PDE7B: variants seen among roughly 807,000 people sequenced by gnomAD.
PDE7B encodes the protein 3',5'-cyclic-AMP phosphodiesterase 7B.
PDE7B carries 29 observed loss-of-function variants against 56.2 expected under a neutral mutation model. The observed-to-expected ratio is 0.52, with a 90% CI of 0.38 to 0.70. The LOEUF (loss-of-function observed/expected upper bound fraction) is 0.70, where lower values mean the gene tolerates loss of function less well. PDE7B is among the 30% of genes least tolerant of loss of function. PDE7B has a pLI of 0.00. For missense variants in PDE7B, 490 were observed against 565.0 expected (o/e 0.87, Z 1.35); for synonymous variants, 197 against 196.9 (o/e 1.00, Z 0.00).
chr6:136,110,652 GT>G (rs1197864144), intron 3 of PDE7B, among the ~76,000 whole-genome samples: 2 of 150,688 alleles, frequency 1.3e-5, no homozygotes, highest in Admixed American at 6.6e-5. Context: ...GCTAATGGTG[GT>G]TATGTTTGCA....
chr6:136,148,052 A>T (rs900977857), intron 4 of PDE7B, among the ~76,000 whole-genome samples: 1 of 152,198 alleles, frequency 6.6e-6, no homozygotes, highest in African/African-American at 2.4e-5. Flanking sequence ...GACCATCTGA[A>T]AAAAGTGTTC....
chr6:136,141,342 T>C (rs548279703), intron 3 of PDE7B, among the ~76,000 whole-genome samples: 1 of 152,306 alleles, frequency 6.6e-6, no homozygotes, highest in East Asian at 1.9e-4. Context: ...GATAAGCTTT[T>C]TGATGTGCTG....
intron 3 of PDE7B, among the ~76,000 whole-genome samples, chr6:136,114,247 C>T (rs1685242428): frequency 6.6e-6 from 1 of 152,138 alleles, no homozygotes; most frequent in South Asian, 2.1e-4. Flanking sequence ...AAAAATATTT[C>T]CCTTTACTTA....
At chr6:135,869,471 G>T (rs1775331893) in intron 1 of PDE7B, among the ~76,000 whole-genome samples, 1 of 152,102 alleles carries the variant, frequency 6.6e-6, no homozygotes, top group South Asian at 2.1e-4. Context: ...TTAGGTGAGA[G>T]AGCCTAGATT....
intron 2 of PDE7B, among the ~76,000 whole-genome samples, chr6:136,007,090 C>T (rs867739813): frequency 1.6e-4 from 25 of 152,168 alleles, no homozygotes; most frequent in African/African-American, 6.0e-4. Context: ...TCCTTCAATA[C>T]ATAGTTTATT....
In PDE7B at chr6:135,919,216, C is replaced by T. The variant is rs140749959; in HGVS notation, c.22-28248C>T. Among the ~76,000 whole-genome samples, 29 of 152,236 alleles carry T rather than the reference C, an allele frequency of 1.9e-4. No individual in the cohort carries two copies. The East Asian group carries it at 3.7e-3, about 19-fold the overall frequency. ...CAATCTTTCCACTTGTGCTACCGAA[C>T]GCCTCCTTTTTTGAAAGTTTTCAGT... On this transcript the variant is annotated intron_variant, in intron 1 of 12. Transcript: ENST00000308191.
intron 2 of PDE7B, among the ~76,000 whole-genome samples, chr6:136,032,429 C>T (rs1316816223): frequency 1.3e-5 from 2 of 152,184 alleles, no homozygotes; most frequent in Non-Finnish European, 2.9e-5. Flanking sequence ...CTCCAAAATG[C>T]ACTTACAAAG....
intron 3 of PDE7B, among the ~76,000 whole-genome samples, chr6:136,132,403 A>G (rs187342277): frequency 6.6e-6 from 1 of 152,278 alleles, no homozygotes; most frequent in African/African-American, 2.4e-5. Context: ...TGTAAAGAGC[A>G]GGATATAATG....
chr6:135,907,146 G>A (rs764500234), intron 1 of PDE7B, among the ~76,000 whole-genome samples: 1 of 152,130 alleles, frequency 6.6e-6, no homozygotes, highest in African/African-American at 2.4e-5. Flanking sequence ...CCTAGCTACA[G>A]CTTTCTGCTG....
chr6:136,077,554 CTA>C (rs1777144951), intron 2 of PDE7B, among the ~76,000 whole-genome samples: 1 of 152,026 alleles, frequency 6.6e-6, no homozygotes, highest in South Asian at 2.1e-4. Flanking sequence ...TAGATAAAAA[CTA>C]AAATTAAATT....
chr6:136,005,994 G>A (rs917188674), intron 2 of PDE7B, among the ~76,000 whole-genome samples: 2 of 151,632 alleles, frequency 1.3e-5, no homozygotes, highest in African/African-American at 2.4e-5. Flanking sequence ...AGAAAATGTG[G>A]CACATATACA....
At chr6:136,122,472 A>T (rs184527292) in intron 3 of PDE7B, among the ~76,000 whole-genome samples, 1 of 152,330 alleles carries the variant, frequency 6.6e-6, no homozygotes, top group East Asian at 1.9e-4. Context: ...TCCCTCTTCA[A>T]TCCCCTAACC....
intron 1 of PDE7B, among the ~76,000 whole-genome samples, chr6:135,902,314 T>C (rs1490448006): frequency 1.3e-5 from 2 of 149,790 alleles, no homozygotes; most frequent in Admixed American, 1.3e-4. Flanking sequence ...AGGCAAGTTT[T>C]GGCTCATTAT....
intron 1 of PDE7B, among the ~76,000 whole-genome samples, chr6:135,888,265 T>G (rs1315530712): frequency 6.6e-6 from 1 of 152,158 alleles, no homozygotes; most frequent in African/African-American, 2.4e-5. Flanking sequence ...AGTAACCTGC[T>G]CAAGGTCACA....
At chr6:136,188,991 G>C (rs1394604875) in intron 12 of PDE7B, among the ~76,000 whole-genome samples, 2 of 152,120 alleles carry the variant, frequency 1.3e-5, no homozygotes, top group African/African-American at 4.8e-5. Context: ...AGAGATAAAT[G>C]GAACTTGGTG....
At chr6:136,057,912 T>G (rs1776766162) in intron 2 of PDE7B, among the ~76,000 whole-genome samples, 1 of 152,108 alleles carries the variant, frequency 6.6e-6, no homozygotes. Flanking sequence ...AATTTTTTTA[T>G]TTTTAGTAGA....
At chr6:135,880,237 G>A (rs1232159751) in intron 1 of PDE7B, among the ~76,000 whole-genome samples, 6 of 152,192 alleles carry the variant, frequency 3.9e-5, no homozygotes. Flanking sequence ...GGAGAAAGCA[G>A]TGGACTACAG....
chr6:136,012,269 G>A (rs1331914588), intron 2 of PDE7B, among the ~76,000 whole-genome samples: 4 of 152,148 alleles, frequency 2.6e-5, no homozygotes, highest in Non-Finnish European at 2.9e-5. Context: ...TTCTTGAGGT[G>A]TCTCTGCTGG....
At chr6:136,183,948 C>T (rs1203232738) in intron 11 of PDE7B, among the ~76,000 whole-genome samples, 2 of 152,098 alleles carry the variant, frequency 1.3e-5, no homozygotes, top group Non-Finnish European at 2.9e-5. Context: ...ATTAGGACTC[C>T]AAATACCATA....
Sources: allele counts gnomAD v4.1 joint callset (sites outside exome capture counted in the v4.1 genomes callset), GRCh38; gene constraint gnomAD v4.1.1; transcripts MANE v1.5; gene names NCBI Gene and HGNC (gene_info 2026-07-23, HGNC 2026-07-21).